The following TENM4 variants were observed in gnomAD, a reference collection of about 807,000 sequenced individuals.
TENM4 encodes teneurin transmembrane protein 4, also known as teneurin-4.
TENM4 carries 82 observed loss-of-function variants against 243.3 expected under a neutral mutation model. The observed-to-expected ratio is 0.34, with a 90% confidence interval of 0.28 to 0.40. The LOEUF is 0.40. TENM4 is among the 10% of genes least tolerant of loss of function. The pLI, the probability that TENM4 is intolerant of heterozygous loss-of-function variation, is 1.00. For synonymous variants in TENM4, 1,412 were observed against 1,456.3 expected, an observed-to-expected ratio of 0.97 and a Z score of 0.69; for missense variants, 3,138 against 3,673.3, an observed-to-expected ratio of 0.85 and a Z score of 3.77.
intron 4 of TENM4, among the ~76,000 whole-genome samples, chr11:79,126,620 C>T (rs866692002): frequency 2.0e-5 from 3 of 152,158 alleles, no homozygotes; most frequent in African/African-American, 7.2e-5. Flanking sequence ...TACTGCATTC[C>T]TATGTAATTT....
chr11:79,436,258 T>G (rs146141730), intron 1 of TENM4, among the ~76,000 whole-genome samples: 9 of 152,304 alleles, frequency 5.9e-5, no homozygotes, highest in African/African-American at 2.2e-4. Flanking sequence ...CATGAAAAGC[T>G]GAATGAACTC....
intron 3 of TENM4, among the ~76,000 whole-genome samples, chr11:79,196,393 A>G (rs1035167487): frequency 6.6e-6 from 1 of 151,756 alleles, no homozygotes; most frequent in Non-Finnish European, 1.5e-5. Context: ...GAGAAGATCA[A>G]ATGGGAAAAC....
At position 78,959,912 on chromosome 11, in the gene TENM4, A is replaced by G. The variant is rs1857281706; in HGVS notation, c.494-56389T>C. Among the ~76,000 whole-genome samples the G allele has an allele frequency of 2.0e-5, 3 of 152,186 alleles. No homozygotes were observed. The South Asian group carries it at 6.2e-4, about 32-fold the overall frequency. Reference sequence around the variant, plus strand: ...ACGTGTAAGGCTTACTCAGAAATGAACAAAGAACATCATTACACATATACA... The same window carrying G: ...ACGTGTAAGGCTTACTCAGAAATGAGCAAAGAACATCATTACACATATACA... On this transcript the variant is annotated intron_variant, in intron 6 of 33. Coordinates refer to ENST00000278550, the MANE Select transcript of TENM4 (RefSeq NM_001098816.3).
intron 2 of TENM4, among the ~76,000 whole-genome samples, chr11:79,252,752 G>T (rs1855633358): frequency 6.6e-6 from 1 of 152,154 alleles, no homozygotes; most frequent in Admixed American, 6.5e-5. Flanking sequence ...GCCATGAAAA[G>T]AATGTGCCCC....
intron 6 of TENM4, among the ~76,000 whole-genome samples, chr11:78,933,284 G>C (rs902997164): frequency 4.6e-5 from 7 of 152,058 alleles, no homozygotes; most frequent in East Asian, 1.9e-4. Flanking sequence ...ATAATATAAA[G>C]GGCTTCACAG....
At chr11:78,856,306 A>C in intron 10 of TENM4, 128 bp from the exon 11 acceptor site, 3 of 842,472 alleles carry the variant, frequency 3.6e-6, no homozygotes, top group Non-Finnish European at 5.4e-6. Context: ...TTCTGCTGTC[A>C]GCTTCCTCCC....
At chr11:79,374,566 A>G (rs1193448589) in intron 1 of TENM4, among the ~76,000 whole-genome samples, 1 of 151,820 alleles carries the variant, frequency 6.6e-6, no homozygotes, top group African/African-American at 2.4e-5. Context: ...ATAGATATAG[A>G]TATATCTACA....
intron 1 of TENM4, among the ~76,000 whole-genome samples, chr11:79,368,480 T>C (rs1275288028): frequency 6.6e-6 from 1 of 152,230 alleles, no homozygotes; most frequent in African/African-American, 2.4e-5. Flanking sequence ...ATACTATTTA[T>C]ATCAGTATGA....
chr11:78,824,479 A>G (rs1857806037), intron 12 of TENM4, among the ~76,000 whole-genome samples: 1 of 148,022 alleles, frequency 6.8e-6, no homozygotes, highest in African/African-American at 2.6e-5. Flanking sequence ...CACCCCCTAC[A>G]TTGGGGATTG....
chr11:79,140,251 T>C (rs1360658141), intron 4 of TENM4, among the ~76,000 whole-genome samples: 1 of 152,048 alleles, frequency 6.6e-6, no homozygotes, highest in East Asian at 1.9e-4. Context: ...CTTTCTTTAA[T>C]CCTTTGCTCA....
intron 6 of TENM4, among the ~76,000 whole-genome samples, chr11:79,005,197 A>G (rs7127325): frequency 0.035 from 5,346 of 152,136 alleles, 331 homozygotes; most frequent in African/African-American, 0.12. Context: ...AGAAGAGTTG[A>G]TCCATTCCTA....
chr11:78,785,035 G>T (rs1490627757), intron 16 of TENM4, among the ~76,000 whole-genome samples: 2 of 146,294 alleles, frequency 1.4e-5, no homozygotes, highest in African/African-American at 2.5e-5. Flanking sequence ...CTGGGCTCTG[G>T]TTTTTTTGTT....
intron 1 of TENM4, among the ~76,000 whole-genome samples, chr11:79,379,865 C>T (rs570867725): frequency 2.6e-5 from 4 of 152,204 alleles, no homozygotes; most frequent in South Asian, 2.1e-4. Context: ...GCTTGAGGAA[C>T]GGGGCTAATG....
chr11:79,083,842 C>T (rs1162111668), intron 4 of TENM4, among the ~76,000 whole-genome samples: 2 of 152,100 alleles, frequency 1.3e-5, no homozygotes, highest in African/African-American at 4.8e-5. Flanking sequence ...TGGAACCTAA[C>T]CAAAATTGAA....
At chr11:79,075,568 T>C (rs1026267964) in intron 4 of TENM4, among the ~76,000 whole-genome samples, 1 of 152,246 alleles carries the variant, frequency 6.6e-6, no homozygotes, top group Non-Finnish European at 1.5e-5. Context: ...ACTTTAAACC[T>C]AGACCAAATT....
At chr11:79,048,854 G>A (rs1423443676) in intron 6 of TENM4, among the ~76,000 whole-genome samples, 1 of 152,150 alleles carries the variant, frequency 6.6e-6, no homozygotes, top group Non-Finnish European at 1.5e-5. Flanking sequence ...ATGGGCAGGG[G>A]CCATTCTGGT....
intron 2 of TENM4, among the ~76,000 whole-genome samples, chr11:79,288,141 C>T (rs1856289953): frequency 6.6e-6 from 1 of 152,248 alleles, no homozygotes; most frequent in Non-Finnish European, 1.5e-5. Flanking sequence ...CCTTGTGAAA[C>T]TGCTAGGCTT....
Position 79,333,261 on chromosome 11 carries a change from T to TCCAC in TENM4, c.-320-35719_-320-35718insGTGG, listed in dbSNP as rs60344980. On this transcript the variant is annotated intron_variant, in intron 1 of 33. Transcript: ENST00000278550. Reference sequence around the variant, plus strand: ...ATCCATCCATCTATCCATCCATCCATCCAACCAACAAACATTCACTGAGAA... The same window carrying TCCAC: ...ATCCATCCATCTATCCATCCATCCATCCACCCAACCAACAAACATTCACTGAGAA... Among the ~76,000 whole-genome samples, 488 of 151,876 alleles carry TCCAC rather than the reference T, an allele frequency of 3.2e-3. 4 individuals are homozygous for TCCAC. Among genetic ancestry groups the TCCAC allele is most frequent in the African/African-American group, 0.011 (468 of 41,456 alleles).
intron 19 of TENM4, among the ~76,000 whole-genome samples, chr11:78,742,634 T>C (rs982542677): frequency 1.3e-5 from 2 of 152,208 alleles, no homozygotes; most frequent in Admixed American, 1.3e-4. Context: ...GAGGGAGCGC[T>C]TGTGCCAAGC....
Sources: gnomAD v4.1 joint callset for allele counts (sites outside exome capture counted in the v4.1 genomes callset) on GRCh38, gnomAD v4.1.1 for gene constraint, MANE v1.5 for transcripts, NCBI Gene and HGNC (gene_info 2026-07-23, HGNC 2026-07-21) for gene names.